MRPS5: variants seen among roughly 807,000 people sequenced by gnomAD.
The protein encoded by MRPS5 is mitochondrial ribosomal protein S5.
A neutral mutation model predicts 51.9 loss-of-function variants in MRPS5; 27 were observed. The ratio of observed to expected loss-of-function variants is 0.52; its 90% CI spans 0.38 to 0.72. The LOEUF (loss-of-function observed/expected upper bound fraction) is 0.72, where lower values mean the gene tolerates loss of function less well. MRPS5 is among the 30% of genes least tolerant of loss of function. The pLI, the probability that MRPS5 is intolerant of heterozygous loss-of-function variation, is 0.00. For synonymous variants in MRPS5, 196 were observed against 193.2 expected (o/e 1.01, Z -0.12); for missense variants, 570 against 545.7 (o/e 1.04, Z -0.44).
chr2:95,121,370 T>C (rs1416362582), intron 1 of MRPS5, among the ~76,000 whole-genome samples: 1 of 152,176 alleles, frequency 6.6e-6, no homozygotes, highest in Non-Finnish European at 1.5e-5. Flanking sequence ...AGATAAACGT[T>C]ATGCTGGACG....
At chr2:95,098,704 G>A (rs1675702681) in intron 10 of MRPS5, among the ~76,000 whole-genome samples, 1 of 152,060 alleles carries the variant, frequency 6.6e-6, no homozygotes, top group African/African-American at 2.4e-5. Flanking sequence ...GGGGCAGTGG[G>A]GGAGGGATAG....
chr2:95,100,793 T>G, intron 9 of MRPS5, 44 bp downstream of exon 9: 1 of 1,421,902 alleles, frequency 7.0e-7, no homozygotes, highest in South Asian at 1.3e-5. Flanking sequence ...CTTTAACAAA[T>G]GTAATCCTGC....
intron 10 of MRPS5, among the ~76,000 whole-genome samples, chr2:95,094,242 C>A (rs1675552458): frequency 6.6e-6 from 1 of 152,056 alleles, no homozygotes; most frequent in South Asian, 2.1e-4. Flanking sequence ...TGTGAAAAGA[C>A]CAAATCTACA....
At chr2:95,105,093 T>C (rs187523271) in intron 6 of MRPS5, among the ~76,000 whole-genome samples, 3 of 152,364 alleles carry the variant, frequency 2.0e-5, no homozygotes, top group Admixed American at 1.3e-4. Flanking sequence ...GATTATAAGA[T>C]GTAGCCCAAT....
At chr2:95,112,390 C>T (rs1676147980) in intron 3 of MRPS5, among the ~76,000 whole-genome samples, 1 of 152,076 alleles carries the variant, frequency 6.6e-6, no homozygotes, top group East Asian at 1.9e-4. Context: ...TATACACACA[C>T]ATACATATAC....
At chr2:95,115,380 T>A (rs1676255726) in intron 2 of MRPS5, among the ~76,000 whole-genome samples, 177 bp from the exon 3 acceptor site, 1 of 152,194 alleles carries the variant, frequency 6.6e-6, no homozygotes, top group Non-Finnish European at 1.5e-5. Flanking sequence ...ACAACCTAAA[T>A]GCCCAGCCTA....
chr2:95,099,390 T>C (rs1318135668), intron 10 of MRPS5, among the ~76,000 whole-genome samples: 2 of 152,184 alleles, frequency 1.3e-5, no homozygotes, highest in Non-Finnish European at 2.9e-5. Flanking sequence ...AAAGTTTTTT[T>C]TAAAAAGTTT....
At chr2:95,099,237 A>T (rs1333533370) in intron 10 of MRPS5, among the ~76,000 whole-genome samples, 2 of 143,114 alleles carry the variant, frequency 1.4e-5, no homozygotes, top group East Asian at 2.0e-4. Flanking sequence ...TTTTAAAATT[A>T]AAAAAAAAAA....
intron 11 of MRPS5, among the ~76,000 whole-genome samples, chr2:95,088,006 T>C (rs937500387): frequency 2.5e-5 from 3 of 118,032 alleles, no homozygotes; most frequent in African/African-American, 1.0e-4. Flanking sequence ...ACAACCTGGT[T>C]TCCTCAACAA....
intron 11 of MRPS5, 77 bp downstream of exon 11, chr2:95,090,309 C>T (rs1234386862): frequency 1.3e-6 from 2 of 1,524,728 alleles, no homozygotes; most frequent in East Asian, 2.3e-5. Flanking sequence ...CCAGGAGGCC[C>T]CAGGGCATCG....
At chr2:95,091,610 G>GCCAGAC (rs1161937168) in intron 10 of MRPS5, 1 of 152,178 alleles carries the variant, frequency 6.6e-6, no homozygotes, top group Non-Finnish European at 1.5e-5. Flanking sequence ...AACATTATTT[G>GCCAGAC]CCAGACATAA....
intron 5 of MRPS5, chr2:95,106,772 A>G (rs941149954): frequency 2.4e-6 from 1 of 417,018 alleles, no homozygotes; most frequent in African/African-American, 2.0e-5. Context: ...CTCTCCCCCT[A>G]GGCCAAGACA....
chr2:95,120,881 A>T (rs1190055497), intron 1 of MRPS5, among the ~76,000 whole-genome samples: 6 of 152,288 alleles, frequency 3.9e-5, no homozygotes, highest in African/African-American at 1.4e-4. Context: ...CAGCACTTCG[A>T]GGCTGAGGCG....
intron 10 of MRPS5, among the ~76,000 whole-genome samples, chr2:95,099,662 A>C (rs1410513627): frequency 1.3e-5 from 2 of 152,182 alleles, no homozygotes; most frequent in Non-Finnish European, 2.9e-5. Flanking sequence ...TCTAAAGACA[A>C]AACACATGGT....
At position 95,121,806 on chromosome 2, in the gene MRPS5, C is replaced by T; in HGVS notation, c.-15G>A. 1.3e-6 allele frequency: 2 copies of T among 1,535,114 alleles called. No homozygotes were observed. The highest frequency in any genetic ancestry group is 8.7e-7 in the Non-Finnish European group (1 of 1,148,770). On this transcript the variant is annotated 5_prime_UTR_variant, in exon 1 of 12. Coordinates refer to ENST00000272418, the MANE Select transcript of MRPS5 (RefSeq NM_031902.5). ...GCGGTCGCCATGCTGGAGTCCGAGC[C>T]GCGCCTCGGCCTCCGCCCAGGGCAG...
chr2:95,102,599 C>A (rs1361702311), intron 7 of MRPS5, among the ~76,000 whole-genome samples: 1 of 152,048 alleles, frequency 6.6e-6, no homozygotes, highest in Admixed American at 6.6e-5. Flanking sequence ...AGAGTTGAGA[C>A]TGCAGTAAGC....
chr2:95,091,942 G>C (rs1276247364), intron 10 of MRPS5: 1 of 152,214 alleles, frequency 6.6e-6, no homozygotes, highest in Non-Finnish European at 1.5e-5. Context: ...CGTGGAAGGG[G>C]GTATCATGCA....
At chr2:95,105,491 A>G in intron 6 of MRPS5, among the ~76,000 whole-genome samples, 1 of 151,658 alleles carries the variant, frequency 6.6e-6, no homozygotes, top group East Asian at 2.0e-4. Context: ...TGGAGCTTGC[A>G]GTGAGCCGAT....
chr2:95,098,979 T>C (rs1675714626), intron 10 of MRPS5, among the ~76,000 whole-genome samples: 1 of 149,662 alleles, frequency 6.7e-6, no homozygotes, highest in South Asian at 2.1e-4. Flanking sequence ...ACTGCAGTGG[T>C]GATATCTCGG....
Sources: gnomAD v4.1 joint callset for allele counts (sites outside exome capture counted in the v4.1 genomes callset) on GRCh38, gnomAD v4.1.1 for gene constraint, MANE v1.5 for transcripts, NCBI Gene and HGNC (gene_info 2026-07-23, HGNC 2026-07-21) for gene names.